LRBA: variants seen among roughly 807,000 people sequenced by gnomAD.
LRBA encodes the protein lipopolysaccharide-responsive and beige-like anchor protein.
Under a neutral mutation model 330.0 loss-of-function variants are expected in LRBA, and 176 were observed. That is an observed-to-expected ratio of 0.53 (90% CI 0.47 to 0.60). The LOEUF (loss-of-function observed/expected upper bound fraction) is 0.60. Among genes scored for constraint, LRBA ranks in the 20% least tolerant of loss-of-function variants. The probability of loss-of-function intolerance (pLI) is 0.00; values close to 1 mark genes in which losing one functional copy is unlikely to be tolerated. For missense variants in LRBA, 3,259 were observed against 3,444.8 expected (o/e 0.95, Z 1.35); for synonymous variants, 1,230 against 1,193.0 (o/e 1.03, Z -0.64).
chr4:150,382,825 A>T (rs1742475102), intron 47 of LRBA, among the ~76,000 whole-genome samples: 2 of 152,158 alleles, frequency 1.3e-5, no homozygotes, highest in South Asian at 4.1e-4. Context: ...AAAAATGAAA[A>T]ACATGGTCTA....
intron 26 of LRBA, among the ~76,000 whole-genome samples, chr4:150,847,948 G>T (rs1750068422): frequency 6.6e-6 from 1 of 152,048 alleles, no homozygotes; most frequent in African/African-American, 2.4e-5. Context: ...CAGTGTGTTT[G>T]TAAGAAAAGC....
chr4:150,596,537 C>T (rs1454615505), intron 38 of LRBA, among the ~76,000 whole-genome samples: 1 of 151,806 alleles, frequency 6.6e-6, no homozygotes. Context: ...GAATGACATA[C>T]TATCCTCATT....
intron 34 of LRBA, among the ~76,000 whole-genome samples, chr4:150,762,365 C>T (rs1021649805): frequency 6.6e-6 from 1 of 151,736 alleles, no homozygotes; most frequent in African/African-American, 2.4e-5. Context: ...TAATTCACTG[C>T]CCTATGAATT....
Position 150,753,782 on chromosome 4 carries a change from C to T in LRBA, c.5645+8001G>A, listed in dbSNP as rs559076354. Among the ~76,000 whole-genome samples, 3 of 152,088 alleles carry T rather than the reference C, an allele frequency of 2.0e-5. No homozygotes were observed. In the East Asian group the frequency reaches 5.8e-4, roughly 29 times the overall value. On this transcript the variant is annotated intron_variant, in intron 35 of 56. Coordinates refer to ENST00000651943, the MANE Select transcript of LRBA (RefSeq NM_001364905.1). Reference sequence around the variant, plus strand: ...AGAACAAAGCAAGCTTAAAAAGTAGCCACAGACCAGTGTGGTGGCTCACAC... The same window carrying T: ...AGAACAAAGCAAGCTTAAAAAGTAGTCACAGACCAGTGTGGTGGCTCACAC...
intron 47 of LRBA, among the ~76,000 whole-genome samples, chr4:150,389,382 TAC>T (rs1469934683): frequency 1.3e-4 from 19 of 150,482 alleles, no homozygotes; most frequent in Admixed American, 8.6e-4. Flanking sequence ...AATAAATAAA[TAC>T]TCCATAGGAG....
intron 40 of LRBA, among the ~76,000 whole-genome samples, chr4:150,554,402 T>C (rs1767019224): frequency 6.6e-6 from 1 of 152,174 alleles, no homozygotes; most frequent in Admixed American, 6.5e-5. Context: ...CAAGAGTTAC[T>C]AAGCCAGGAC....
intron 48 of LRBA, among the ~76,000 whole-genome samples, chr4:150,343,103 G>A (rs910428639): frequency 4.8e-4 from 73 of 152,170 alleles, no homozygotes; most frequent in African/African-American, 1.7e-3. Flanking sequence ...TTTCACAACT[G>A]ACATGAAGCC....
chr4:150,997,093 A>C (rs1742741197), intron 2 of LRBA, among the ~76,000 whole-genome samples: 1 of 152,094 alleles, frequency 6.6e-6, no homozygotes, highest in Non-Finnish European at 1.5e-5. Context: ...CATTAATTTC[A>C]GTCTTTCCTT....
intron 2 of LRBA, among the ~76,000 whole-genome samples, chr4:151,003,274 G>A (rs1579463761): frequency 6.6e-6 from 1 of 151,476 alleles, no homozygotes; most frequent in African/African-American, 2.4e-5. Flanking sequence ...GCGCACACCT[G>A]TAATACCAGC....
At position 150,927,322 on chromosome 4, in the gene LRBA, G is replaced by A. The variant is rs140810618; in HGVS notation, c.549+1194C>T. ...CGGGAGGCAGAGCTTGCAGTGAGCCGAGATCATGGCACTGCACTCCAGGCT... is the reference window on the plus strand; with the variant it reads ...CGGGAGGCAGAGCTTGCAGTGAGCCAAGATCATGGCACTGCACTCCAGGCT... On this transcript the variant is annotated intron_variant, in intron 4 of 56. Coordinates refer to ENST00000651943, the MANE Select transcript of LRBA (RefSeq NM_001364905.1). 6.1e-3 allele frequency among the ~76,000 whole-genome samples: 910 copies of A among 150,112 alleles called. 40 individuals carry two copies. The highest frequency in any genetic ancestry group is 0.05 in the Admixed American group (756 of 15,052).
intron 40 of LRBA, among the ~76,000 whole-genome samples, chr4:150,586,079 T>A (rs2126422743): frequency 6.6e-6 from 1 of 152,342 alleles, no homozygotes; most frequent in African/African-American, 2.4e-5. Flanking sequence ...TAATATTAAG[T>A]GGCTCAAACA....
At chr4:150,499,397 A>C (rs1910724) in intron 40 of LRBA, among the ~76,000 whole-genome samples, 56,933 of 151,918 alleles carry the variant, frequency 0.37, 11,563 homozygotes, top group Non-Finnish European at 0.47. Flanking sequence ...AATCCTAGCA[A>C]TTTGGGAGGC....
In LRBA at chr4:151,009,978, T is replaced by A. The variant is rs145293437; in HGVS notation, c.216+4449A>T. 7.1e-3 allele frequency among the ~76,000 whole-genome samples: 1,064 copies of A among 150,134 alleles called. 7 individuals carry two copies. The highest frequency in any genetic ancestry group is 0.024 in the African/African-American group (999 of 40,940). ...ATGGGGGACAGAGTGAGGCTCCATC[T>A]CAAAAAAATAAATAAATAAATAAAT... is the stretch of plus-strand genomic sequence containing the variant. On this transcript the variant is annotated intron_variant, in intron 2 of 56. Transcript: ENST00000651943.
chr4:150,624,475 T>C (rs925211897), intron 37 of LRBA, among the ~76,000 whole-genome samples: 3 of 152,208 alleles, frequency 2.0e-5, no homozygotes, highest in Admixed American at 1.3e-4. Flanking sequence ...TGCTTTCTCC[T>C]GTCAGAATTC....
rs1438164872 is a variant in LRBA at position 150,277,883 on chromosome 4, A to T, written c.8438T>A (p.Ile2813Asn). Residue 2813 changes from isoleucine (I) to asparagine (N), a missense_variant, in exon 56 of 57, where the codon ATC becomes AAC. By Grantham distance (149) the Ile-to-Asn change is moderately radical. Coordinates refer to ENST00000651943, the MANE Select transcript of LRBA (RefSeq NM_001364905.1). The stretch of plus-strand genomic sequence containing the variant: ...GTCGTAAGACAGCGCCATGGCCCGG[A>T]TTCCAGCGTCACATCCTGGATAGGC... ...LFAYPGCDAG[I>N]RAMALSYDQR... The T allele has an allele frequency of 6.2e-7, 1 of 1,614,070 alleles. No homozygotes were observed. The highest frequency in any genetic ancestry group is 8.5e-7 in the Non-Finnish European group (1 of 1,180,020).
chr4:150,796,682 A>G (rs571629914), intron 34 of LRBA, among the ~76,000 whole-genome samples: 29 of 152,090 alleles, frequency 1.9e-4, no homozygotes, highest in Admixed American at 1.8e-3. Flanking sequence ...AATAGCTTCC[A>G]TGTACCAAAA....
At position 151,014,789 on chromosome 4, in the gene LRBA, T is replaced by C; in HGVS notation, c.-147A>G. On this transcript the variant is annotated 5_prime_UTR_variant, in exon 2 of 57. Transcript: ENST00000651943. ...CCAAAGCAGTTGATGTGGAAAGTCC[T>C]TGGCGTCGCCCTCCTCCTCTTGGAG... 1 of 595,074 alleles carries C rather than the reference T, an allele frequency of 1.7e-6. No homozygotes were observed. The highest frequency in any genetic ancestry group is 3.0e-6 in the Non-Finnish European group (1 of 335,410). 36.9% of individuals were successfully genotyped at this position (595,074 alleles called of 1,614,324 possible).
rs57119340 is a variant in LRBA at position 150,346,757 on chromosome 4, C to CAAAAA, written c.7362+3230_7362+3234dup. Among the ~76,000 whole-genome samples the CAAAAA allele has an allele frequency of 3.8e-4, 25 of 66,152 alleles. 2 individuals are homozygous for CAAAAA. The highest frequency in any genetic ancestry group is 1.7e-3 in the African/African-American group (22 of 12,892). 43.4% of individuals were successfully genotyped at this position (66,152 alleles called of 152,430 possible). A position where few individuals can be genotyped will look rare whatever the true frequency, so the allele number is the denominator to read the frequency against. On this transcript the variant is annotated intron_variant, in intron 48 of 56. Transcript: ENST00000651943. ...CTGGCAACAATGTGAGACTCTGTCT[C>CAAAAA]AAAAAAAAAAAAAAAAAAAAAAAAA...
At chr4:150,739,447 A>G (rs1222562994) in intron 35 of LRBA, among the ~76,000 whole-genome samples, 1 of 152,214 alleles carries the variant, frequency 6.6e-6, no homozygotes, top group African/African-American at 2.4e-5. Context: ...ATACATTTCA[A>G]TTAAACTAGA....
Sources: gnomAD v4.1 joint callset for allele counts (sites outside exome capture counted in the v4.1 genomes callset) on GRCh38, gnomAD v4.1.1 for gene constraint, MANE v1.5 for transcripts, NCBI Gene and HGNC (gene_info 2026-07-23, HGNC 2026-07-21) for gene names.